Variants in PKHD1 observed in about 807,000 individuals in gnomAD.
The protein encoded by PKHD1 is PKHD1 ciliary IPT domain containing fibrocystin/polyductin, also known as fibrocystin.
In PKHD1, 291 loss-of-function variants were observed where a neutral mutation model predicts 412.0. The ratio of observed to expected loss-of-function variants is 0.71; its 90% CI spans 0.64 to 0.78. The LOEUF is 0.78. PKHD1 is among the 30% of genes least tolerant of loss of function. PKHD1 has a pLI of 0.00. For synonymous variants in PKHD1, 1,777 were observed against 1,821.5 expected (o/e 0.98, Z 0.62); for missense variants, 4,825 against 4,950.7 (o/e 0.97, Z 0.76).
intron 52 of PKHD1, among the ~76,000 whole-genome samples, chr6:51,829,253 C>A (rs1767840433): frequency 6.6e-6 from 1 of 151,976 alleles, no homozygotes; most frequent in African/African-American, 2.4e-5. Context: ...TGACCATAGA[C>A]AAAGGAATGA....
At chr6:51,786,198 C>T (rs929905983) in intron 53 of PKHD1, among the ~76,000 whole-genome samples, 1 of 152,092 alleles carries the variant, frequency 6.6e-6, no homozygotes, top group Non-Finnish European at 1.5e-5. Flanking sequence ...CCCAGATCTC[C>T]CAACCCGAAA....
chr6:51,897,189 G>C (rs1434990305), intron 43 of PKHD1, among the ~76,000 whole-genome samples: 1 of 152,066 alleles, frequency 6.6e-6, no homozygotes, highest in Non-Finnish European at 1.5e-5. Context: ...ATCGAGAAGA[G>C]CAACTCCAAG....
At chr6:51,933,160 T>G (rs1247940249) in intron 37 of PKHD1, among the ~76,000 whole-genome samples, 13 of 152,196 alleles carry the variant, frequency 8.5e-5, no homozygotes, top group Non-Finnish European at 1.9e-4. Context: ...TATTTTATAC[T>G]GATATTTTAC....
At chr6:52,078,273 G>C (rs1811590851) in intron 5 of PKHD1, among the ~76,000 whole-genome samples, 1 of 152,142 alleles carries the variant, frequency 6.6e-6, no homozygotes, top group South Asian at 2.1e-4. Flanking sequence ...CACCCACCAG[G>C]CTAGAGACAT....
At chr6:52,003,711 C>CT (rs1343113015) in intron 35 of PKHD1, among the ~76,000 whole-genome samples, 1 of 152,192 alleles carries the variant, frequency 6.6e-6, no homozygotes, top group Non-Finnish European at 1.5e-5. Context: ...GAGAACCTTT[C>CT]TTTCATATAA....
chr6:51,864,655 T>A (rs1265705476), intron 48 of PKHD1, among the ~76,000 whole-genome samples: 6 of 152,168 alleles, frequency 3.9e-5, no homozygotes, highest in Admixed American at 3.9e-4. Context: ...TTTGGCAAGT[T>A]GAGTTTTAGA....
chr6:51,674,847 C>T (rs1366075078), intron 60 of PKHD1, among the ~76,000 whole-genome samples: 1 of 152,124 alleles, frequency 6.6e-6, no homozygotes, highest in Non-Finnish European at 1.5e-5. Flanking sequence ...AATATTTTAT[C>T]ATACTATCCC....
At chr6:51,626,674 C>T (rs2150275492) in intron 66 of PKHD1, among the ~76,000 whole-genome samples, 1 of 152,280 alleles carries the variant, frequency 6.6e-6, no homozygotes, top group Non-Finnish European at 1.5e-5. Context: ...GCCAAATTGG[C>T]AGCTTTGCAA....
chr6:51,626,584 G>C (rs1767268371), intron 66 of PKHD1, among the ~76,000 whole-genome samples: 1 of 152,192 alleles, frequency 6.6e-6, no homozygotes, highest in Non-Finnish European at 1.5e-5. Context: ...TGACTCATTT[G>C]TCGAGGGTTC....
intron 48 of PKHD1, among the ~76,000 whole-genome samples, chr6:51,857,627 A>C (rs1773505975): frequency 1.3e-5 from 2 of 152,190 alleles, no homozygotes; most frequent in Non-Finnish European, 2.9e-5. Flanking sequence ...TACATAAAGC[A>C]CTCACCAAGG....
chr6:51,693,274 CTTTCCCA>C (rs922251998), intron 60 of PKHD1, among the ~76,000 whole-genome samples: 8 of 152,226 alleles, frequency 5.3e-5, no homozygotes, highest in African/African-American at 1.9e-4. Context: ...AAACATAACA[CTTTCCCA>C]TTGGCCCTCC....
At chr6:51,767,945 T>G (rs1337683740) in intron 55 of PKHD1, among the ~76,000 whole-genome samples, 2 of 152,068 alleles carry the variant, frequency 1.3e-5, no homozygotes, top group African/African-American at 2.4e-5. Flanking sequence ...AGTGTAAAAG[T>G]GTTCCTATTT....
intron 60 of PKHD1, among the ~76,000 whole-genome samples, chr6:51,707,342 A>G (rs1451619774): frequency 3.3e-5 from 5 of 152,154 alleles, no homozygotes; most frequent in African/African-American, 1.2e-4. Flanking sequence ...TGCAACTGTG[A>G]ACAAGGCACC....
chr6:51,695,325 A>C (rs1010186054), intron 60 of PKHD1, among the ~76,000 whole-genome samples: 16 of 152,138 alleles, frequency 1.1e-4, no homozygotes, highest in Non-Finnish European at 2.9e-5. Context: ...ACTTGTCTTT[A>C]TAATGTAACC....
intron 33 of PKHD1, among the ~76,000 whole-genome samples, chr6:52,021,359 T>C (rs1012277275): frequency 2.0e-5 from 3 of 152,216 alleles, no homozygotes; most frequent in Non-Finnish European, 4.4e-5. Context: ...TTATACTAGT[T>C]GAAATTAAGT....
At chr6:51,640,973 T>C (rs1322624878) in intron 63 of PKHD1, among the ~76,000 whole-genome samples, 1 of 152,198 alleles carries the variant, frequency 6.6e-6, no homozygotes, top group Non-Finnish European at 1.5e-5. Flanking sequence ...AGGAGATATA[T>C]AGATATGGTT....
intron 60 of PKHD1, among the ~76,000 whole-genome samples, chr6:51,717,716 T>A (rs189721363): frequency 3.3e-4 from 50 of 152,280 alleles, no homozygotes; most frequent in African/African-American, 1.1e-3. Flanking sequence ...CATATCACCA[T>A]TGTTAAGCAA....
intron 60 of PKHD1, among the ~76,000 whole-genome samples, chr6:51,697,729 T>G (rs953869705): frequency 1.3e-5 from 2 of 152,242 alleles, no homozygotes; most frequent in African/African-American, 4.8e-5. Context: ...TTACTGCTCT[T>G]GCAGCATGGC....
intron 37 of PKHD1, among the ~76,000 whole-genome samples, chr6:51,916,517 A>G (rs986550664): frequency 6.6e-6 from 1 of 152,194 alleles, no homozygotes; most frequent in Non-Finnish European, 1.5e-5. Context: ...AGACCAGAGA[A>G]CTAGACAAGT....
Sources: allele counts gnomAD v4.1 joint callset (sites outside exome capture counted in the v4.1 genomes callset), GRCh38; gene constraint gnomAD v4.1.1; transcripts MANE v1.5; gene names NCBI Gene and HGNC (gene_info 2026-07-23, HGNC 2026-07-21).